SAMD5: variants seen among roughly 807,000 people sequenced by gnomAD.
SAMD5 encodes the protein sterile alpha motif domain containing 5, also known as sterile alpha motif domain-containing protein 5.
SAMD5 carries 13 observed loss-of-function variants against 11.3 expected under a neutral mutation model. That is an observed-to-expected ratio of 1.15 (90% CI 0.75 to 1.83). The LOEUF (loss-of-function observed/expected upper bound fraction) is 1.83, where lower values mean the gene tolerates loss of function less well. Among genes scored for constraint, SAMD5 ranks in the 40% most tolerant of loss-of-function variants. SAMD5 has a pLI of 0.00. For synonymous variants in SAMD5, 129 were observed against 111.3 expected (o/e 1.16, Z -1.00); for missense variants, 255 against 239.1 (o/e 1.07, Z -0.44).
chr6:147,591,432 C>T (rs844573), intron 1 of SAMD5, among the ~76,000 whole-genome samples: 100,081 of 151,802 alleles, frequency 0.66, 33,220 homozygotes, highest in South Asian at 0.74. Flanking sequence ...TCACCGCACT[C>T]GGGAGGGGTC....
At chr6:147,783,068 G>A in the SAMD5 span, among the ~76,000 whole-genome samples, 57 of 152,202 alleles carry the variant, frequency 3.7e-4, no homozygotes, top group African/African-American at 1.3e-3. Flanking sequence ...GTATCTTTAA[G>A]ATTTCCCTTT....
At chr6:147,872,366 G>A in the SAMD5 span, among the ~76,000 whole-genome samples, 4 of 152,062 alleles carry the variant, frequency 2.6e-5, no homozygotes, top group African/African-American at 9.7e-5. Flanking sequence ...CCAAACTTGT[G>A]GGATTATAAG....
intron 1 of SAMD5, among the ~76,000 whole-genome samples, chr6:147,611,969 G>A (rs920909590): frequency 2.0e-5 from 3 of 152,216 alleles, no homozygotes; most frequent in African/African-American, 7.2e-5. Context: ...GTACTTGCTA[G>A]AGTGCTGGGC....
the SAMD5 span, among the ~76,000 whole-genome samples, chr6:147,905,783 C>T: frequency 6.6e-6 from 1 of 152,234 alleles, no homozygotes; most frequent in Admixed American, 6.5e-5. Context: ...ATGTGTGGGC[C>T]CCCAAGATAA....
the SAMD5 span, among the ~76,000 whole-genome samples, chr6:147,871,788 A>C: frequency 2.6e-5 from 4 of 152,160 alleles, no homozygotes; most frequent in African/African-American, 9.7e-5. Context: ...AAAATCTGTC[A>C]GTTTTTTCCA....
the SAMD5 span, among the ~76,000 whole-genome samples, chr6:147,863,737 C>T: frequency 2.6e-5 from 4 of 151,918 alleles, no homozygotes; most frequent in Non-Finnish European, 2.9e-5. Flanking sequence ...GTCCATCCCC[C>T]ACCAGTCTTT....
intron 1 of SAMD5, among the ~76,000 whole-genome samples, chr6:147,707,165 T>C (rs1478012861): frequency 1.3e-5 from 2 of 152,200 alleles, no homozygotes; most frequent in African/African-American, 2.4e-5. Flanking sequence ...GTTTATATAT[T>C]GGTAAGAATA....
chr6:147,932,588 TTGTG>T, the SAMD5 span, among the ~76,000 whole-genome samples: 16,913 of 130,720 alleles, frequency 0.13, 1,023 homozygotes, highest in Admixed American at 0.16. Flanking sequence ...TCTTACAGAA[TTGTG>T]TGTGTGTGTG....
chr6:147,860,136 G>T, the SAMD5 span, among the ~76,000 whole-genome samples: 1 of 152,100 alleles, frequency 6.6e-6, no homozygotes, highest in Admixed American at 6.6e-5. Context: ...GGCTCCAGGG[G>T]AGGATCCCTT....
At chr6:147,924,377 A>C in the SAMD5 span, among the ~76,000 whole-genome samples, 1 of 152,286 alleles carries the variant, frequency 6.6e-6, no homozygotes, top group Admixed American at 6.5e-5. Context: ...GGGTGCACTG[A>C]AGATAAAATT....
chr6:147,935,628 C>T, the SAMD5 span, among the ~76,000 whole-genome samples: 1 of 150,590 alleles, frequency 6.6e-6, no homozygotes, highest in Non-Finnish European at 1.5e-5. Flanking sequence ...AAAAAGAATG[C>T]ACGTAAAACC....
chr6:147,601,917 A>C (rs1460345390), intron 1 of SAMD5, among the ~76,000 whole-genome samples: 1 of 152,186 alleles, frequency 6.6e-6, no homozygotes, highest in Non-Finnish European at 1.5e-5. Flanking sequence ...ATCTTGGTGC[A>C]TTGCCTCCTT....
intron 1 of SAMD5, among the ~76,000 whole-genome samples, chr6:147,545,765 A>C (rs568393166): frequency 5.3e-5 from 8 of 152,196 alleles, no homozygotes; most frequent in Non-Finnish European, 8.8e-5. Context: ...ACACACACAT[A>C]TATACATACA....
chr6:147,821,674 T>G, the SAMD5 span, among the ~76,000 whole-genome samples: 1 of 152,326 alleles, frequency 6.6e-6, no homozygotes, highest in African/African-American at 2.4e-5. Context: ...TTCACTTTAG[T>G]TTTCCAGTAA....
chr6:147,948,135 G>T, the SAMD5 span, among the ~76,000 whole-genome samples: 6 of 151,804 alleles, frequency 4.0e-5, no homozygotes, highest in Non-Finnish European at 7.4e-5. Context: ...AGCTGTACTG[G>T]CACAGACATT....
At chr6:147,637,165 G>C (rs979358873) in intron 1 of SAMD5, among the ~76,000 whole-genome samples, 1 of 152,156 alleles carries the variant, frequency 6.6e-6, no homozygotes. Flanking sequence ...GATCACTCCA[G>C]GTAGCAGGGT....
the SAMD5 span, among the ~76,000 whole-genome samples, chr6:147,896,757 A>C: frequency 6.2e-5 from 7 of 113,046 alleles, no homozygotes; most frequent in East Asian, 6.8e-4. Flanking sequence ...AAAAAAAAAA[A>C]AAAAAACGCA....
chr6:147,630,550 C>A (rs2128451263), intron 1 of SAMD5, among the ~76,000 whole-genome samples: 1 of 151,598 alleles, frequency 6.6e-6, no homozygotes, highest in South Asian at 2.1e-4. Context: ...TATCTTGTGA[C>A]CCCCACCCCT....
chr6:147,917,878 T>C, the SAMD5 span, among the ~76,000 whole-genome samples: 1 of 152,142 alleles, frequency 6.6e-6, no homozygotes, highest in African/African-American at 2.4e-5. Flanking sequence ...AGATGTGTGG[T>C]ATTATTTCTG....
Sources: gnomAD v4.1 joint callset for allele counts (sites outside exome capture counted in the v4.1 genomes callset) on GRCh38, gnomAD v4.1.1 for gene constraint, MANE v1.5 for transcripts, NCBI Gene and HGNC (gene_info 2026-07-23, HGNC 2026-07-21) for gene names.